STEAP1B: variants seen among roughly 807,000 people sequenced by gnomAD.
STEAP1B encodes the protein STEAP family protein MGC87042.
STEAP1B carries 13 observed loss-of-function variants against 27.9 expected under a neutral mutation model. The ratio of observed to expected loss-of-function variants is 0.47; its 90% CI spans 0.30 to 0.74. The LOEUF (loss-of-function observed/expected upper bound fraction) is 0.74, where lower values mean the gene tolerates loss of function less well. Among genes scored for constraint, STEAP1B ranks in the 30% least tolerant of loss-of-function variants. STEAP1B has a pLI of 0.06. For missense variants in STEAP1B, 250 were observed against 298.7 expected (o/e 0.84, Z 1.20); for synonymous variants, 86 against 107.1 (o/e 0.80, Z 1.22).
chr7:22,467,881 C>T (rs1785814383), intron 4 of STEAP1B, among the ~76,000 whole-genome samples: 1 of 152,182 alleles, frequency 6.6e-6, no homozygotes, highest in African/African-American at 2.4e-5. Flanking sequence ...CCTTTGAATT[C>T]CTCCTACATC....
chr7:22,497,765 T>C (rs1373917698), intron 1 of STEAP1B, among the ~76,000 whole-genome samples: 1 of 152,208 alleles, frequency 6.6e-6, no homozygotes, highest in African/African-American at 2.4e-5. Flanking sequence ...TTTAATTGGC[T>C]CATGGTTCCA....
At chr7:22,465,766 TGGACA>T (rs1260780445) in intron 4 of STEAP1B, among the ~76,000 whole-genome samples, 1 of 152,156 alleles carries the variant, frequency 6.6e-6, no homozygotes, top group Non-Finnish European at 1.5e-5. Flanking sequence ...GGCAGCAGGC[TGGACA>T]GGAGAACCGC....
At chr7:22,498,960 A>G (rs1239581619) in intron 1 of STEAP1B, among the ~76,000 whole-genome samples, 2 of 152,254 alleles carry the variant, frequency 1.3e-5, no homozygotes, top group African/African-American at 4.8e-5. Flanking sequence ...ACTCAACTCT[A>G]TGCCCATAAG....
intron 4 of STEAP1B, among the ~76,000 whole-genome samples, chr7:22,455,089 TCTTCA>T (rs1417746802): frequency 6.6e-6 from 1 of 152,054 alleles, no homozygotes; most frequent in African/African-American, 2.4e-5. Context: ...GGTCTCGATC[TCTTCA>T]CTTCGTGATC....
intron 4 of STEAP1B, among the ~76,000 whole-genome samples, chr7:22,459,949 T>C (rs943742541): frequency 4.6e-5 from 7 of 152,152 alleles, no homozygotes; most frequent in Admixed American, 1.3e-4. Context: ...TGGTTCAGGT[T>C]GGTGGCCTGT....
At chr7:22,482,695 G>A (rs1786103744) in intron 4 of STEAP1B, among the ~76,000 whole-genome samples, 1 of 152,168 alleles carries the variant, frequency 6.6e-6, no homozygotes, top group African/African-American at 2.4e-5. Context: ...TTGGCCAAGG[G>A]CAATTCTCCA....
At chr7:22,451,110 T>C (rs1441691581) in intron 4 of STEAP1B, among the ~76,000 whole-genome samples, 2 of 152,014 alleles carry the variant, frequency 1.3e-5, no homozygotes, top group African/African-American at 4.8e-5. Flanking sequence ...GGCACAAGAA[T>C]TGTTTAAACC....
At chr7:22,444,468 C>T (rs1785379641) in intron 4 of STEAP1B, among the ~76,000 whole-genome samples, 1 of 152,080 alleles carries the variant, frequency 6.6e-6, no homozygotes, top group Non-Finnish European at 1.5e-5. Context: ...TTTCTGCTTT[C>T]AGAAATGAAT....
intron 1 of STEAP1B, among the ~76,000 whole-genome samples, chr7:22,497,689 T>C (rs1486027071): frequency 6.6e-6 from 1 of 152,240 alleles, no homozygotes; most frequent in Admixed American, 6.5e-5. Flanking sequence ...ACCAACTGTA[T>C]TAGGCTGTTC....
intron 1 of STEAP1B, 145 bp from the exon 2 acceptor site, chr7:22,495,031 T>G (rs1165845492): frequency 2.2e-6 from 1 of 462,550 alleles, no homozygotes; most frequent in Non-Finnish European, 3.8e-6. Context: ...GATTTATACA[T>G]TTAACTTCAT....
At position 22,419,498 on chromosome 7, in the gene STEAP1B, A is replaced by G. The variant is rs143945647; in HGVS notation, c.*306T>C. 1.8e-5 allele frequency: 4 copies of G among 220,636 alleles called. No homozygotes were observed. In the East Asian group the frequency reaches 2.6e-4, roughly 14 times the overall value. 13.7% of individuals were successfully genotyped at this position (220,636 alleles called of 1,614,324 possible). ...AGAATATTTCCATCCAACACTTTAT[A>G]AACACATTTGATTATCATGTCTGAT... On this transcript the variant is annotated 3_prime_UTR_variant, in exon 5 of 5. Coordinates refer to ENST00000678116, the MANE Select transcript of STEAP1B (RefSeq NM_001382447.1).
At chr7:22,470,510 G>T (rs1785862785) in intron 4 of STEAP1B, among the ~76,000 whole-genome samples, 1 of 152,060 alleles carries the variant, frequency 6.6e-6, no homozygotes, top group Non-Finnish European at 1.5e-5. Context: ...ACAGTAATCG[G>T]CAGTAATCCC....
At chr7:22,441,202 C>T (rs908813202) in intron 4 of STEAP1B, among the ~76,000 whole-genome samples, 3 of 151,926 alleles carry the variant, frequency 2.0e-5, no homozygotes, top group Admixed American at 6.6e-5. Context: ...TTTAGTATTC[C>T]CTTCCTATCT....
intron 4 of STEAP1B, among the ~76,000 whole-genome samples, chr7:22,474,607 A>C (rs1583649128): frequency 6.6e-6 from 1 of 152,222 alleles, no homozygotes; most frequent in East Asian, 1.9e-4. Flanking sequence ...CTTACCAAAG[A>C]TAAGCTAAAA....
rs372852272 is a variant in STEAP1B, at chr7:22,436,345, A to G, written c.763-16509T>C. 7.9e-5 allele frequency among the ~76,000 whole-genome samples: 12 copies of G among 152,276 alleles called. No individual in the cohort carries two copies. In the East Asian group the frequency reaches 1.9e-3, roughly 24 times the overall value. The stretch of plus-strand genomic sequence containing the variant: ...GTGCCATAAACATCCATCACATCAA[A>G]AAGATTTCTCCCATCATCATTTATT... On this transcript the variant is annotated intron_variant, in intron 4 of 4. Transcript: ENST00000678116.
intron 1 of STEAP1B, among the ~76,000 whole-genome samples, chr7:22,495,163 C>G (rs1583357364): frequency 6.6e-6 from 1 of 152,300 alleles, no homozygotes; most frequent in East Asian, 1.9e-4. Flanking sequence ...TCACATGTTG[C>G]CTTTTACTTT....
intron 4 of STEAP1B, among the ~76,000 whole-genome samples, chr7:22,469,286 T>G (rs957732431): frequency 6.6e-6 from 1 of 152,230 alleles, no homozygotes; most frequent in Non-Finnish European, 1.5e-5. Flanking sequence ...TATAATGATG[T>G]TATACAGCTG....
At chr7:22,454,655 G>A (rs1785542552) in intron 4 of STEAP1B, among the ~76,000 whole-genome samples, 2 of 151,702 alleles carry the variant, frequency 1.3e-5, no homozygotes, top group Non-Finnish European at 2.9e-5. Flanking sequence ...TGTATTTTAG[G>A]AGCTGTGCAC....
chr7:22,457,862 G>C (rs1039813955), intron 4 of STEAP1B, among the ~76,000 whole-genome samples: 5 of 152,202 alleles, frequency 3.3e-5, no homozygotes, highest in African/African-American at 1.2e-4. Flanking sequence ...AAACCAAGGA[G>C]GTTAAAATGC....
Sources: allele counts gnomAD v4.1 joint callset (sites outside exome capture counted in the v4.1 genomes callset), GRCh38; gene constraint gnomAD v4.1.1; transcripts MANE v1.5; gene names NCBI Gene and HGNC (gene_info 2026-07-23, HGNC 2026-07-21).